The following FGF14 variants were observed in gnomAD, a reference collection of about 807,000 sequenced individuals.
FGF14 encodes fibroblast growth factor 14.
Under a neutral mutation model 25.5 loss-of-function variants are expected in FGF14, and 5 were observed. The observed-to-expected ratio is 0.20, with a 90% CI of 0.10 to 0.41. The LOEUF (loss-of-function observed/expected upper bound fraction) is 0.41. Ranked by LOEUF, FGF14 falls within the 10% of genes least tolerant of loss-of-function variation. The probability of loss-of-function intolerance (pLI) is 1.00; values close to 1 mark genes in which losing one functional copy is unlikely to be tolerated. For missense variants in FGF14, 222 were observed against 320.1 expected, an observed-to-expected ratio of 0.69 and a Z score of 2.34; for synonymous variants, 138 against 118.3, an observed-to-expected ratio of 1.17 and a Z score of -1.08.
intron 1 of FGF14, among the ~76,000 whole-genome samples, chr13:102,247,433 G>A (rs2141053424): frequency 6.6e-6 from 1 of 152,010 alleles, no homozygotes; most frequent in South Asian, 2.1e-4. Context: ...CAAAGAACAT[G>A]AACAGGCACT....
At chr13:101,844,312 A>G (rs2043338550) in intron 3 of FGF14, among the ~76,000 whole-genome samples, 1 of 152,048 alleles carries the variant, frequency 6.6e-6, no homozygotes, top group Non-Finnish European at 1.5e-5. Context: ...GTTTGAAAAC[A>G]TGTTTGTTGC....
At chr13:101,846,148 A>G (rs2043447277) in intron 3 of FGF14, among the ~76,000 whole-genome samples, 1 of 152,042 alleles carries the variant, frequency 6.6e-6, no homozygotes, top group Non-Finnish European at 1.5e-5. Flanking sequence ...GGCTTCAGAT[A>G]AAGAAATACT....
intron 1 of FGF14, among the ~76,000 whole-genome samples, chr13:101,895,553 C>T (rs1042335974): frequency 6.6e-5 from 10 of 152,070 alleles, no homozygotes; most frequent in African/African-American, 2.2e-4. Context: ...ATCTTAAGAC[C>T]TTTAAAAACC....
intron 1 of FGF14, among the ~76,000 whole-genome samples, chr13:102,196,885 G>A (rs2049379477): frequency 6.6e-6 from 1 of 151,758 alleles, no homozygotes; most frequent in Non-Finnish European, 1.5e-5. Context: ...ATCACTGGTG[G>A]AGACTAGAAT....
intron 3 of FGF14, among the ~76,000 whole-genome samples, chr13:101,757,543 T>C (rs1317380683): frequency 6.6e-6 from 1 of 152,216 alleles, no homozygotes; most frequent in Non-Finnish European, 1.5e-5. Context: ...TCTCAGCCTC[T>C]CCTTCACCTT....
chr13:102,049,154 A>G (rs1287346368), intron 1 of FGF14, among the ~76,000 whole-genome samples: 65 of 152,196 alleles, frequency 4.3e-4, no homozygotes, highest in Non-Finnish European at 4.4e-5. Flanking sequence ...TATAAATATG[A>G]AAGGATATTA....
At chr13:102,132,901 C>T (rs998865477) in intron 1 of FGF14, among the ~76,000 whole-genome samples, 1 of 152,090 alleles carries the variant, frequency 6.6e-6, no homozygotes, top group South Asian at 2.1e-4. Context: ...AAACAGTGAG[C>T]GGAGTTGTTA....
chr13:102,047,188 T>C (rs2042021299), intron 1 of FGF14, among the ~76,000 whole-genome samples: 1 of 152,114 alleles, frequency 6.6e-6, no homozygotes, highest in Non-Finnish European at 1.5e-5. Flanking sequence ...ATAATACATA[T>C]GGACAGCAGG....
chr13:101,945,002 A>T (rs1440396199), intron 1 of FGF14, among the ~76,000 whole-genome samples: 1 of 152,158 alleles, frequency 6.6e-6, no homozygotes, highest in Non-Finnish European at 1.5e-5. Flanking sequence ...TGTACTTAGC[A>T]TCATAAAACT....
chr13:102,357,878 G>A (rs1046304094), intron 1 of FGF14, among the ~76,000 whole-genome samples: 46 of 152,068 alleles, frequency 3.0e-4, no homozygotes, highest in African/African-American at 9.9e-4. Flanking sequence ...CTAGCTTACC[G>A]TCCTCTAGAG....
intron 1 of FGF14, among the ~76,000 whole-genome samples, chr13:102,360,727 A>G (rs2057540950): frequency 6.6e-6 from 1 of 152,198 alleles, no homozygotes; most frequent in Non-Finnish European, 1.5e-5. Flanking sequence ...TGTCCAGTCA[A>G]CCATTCACAC....
rs576720260 is a variant in FGF14 at position 102,168,354 on chromosome 13, T to A, written c.208+233117A>T. On this transcript the variant is annotated intron_variant, in intron 1 of 4. Coordinates refer to the FGF14 transcript ENST00000376131. ...CACCATCCCTGGCTAATTTTTGTAG[T>A]TTTTTGTAGAGATGGGGTTTCTCCA... Among the ~76,000 whole-genome samples, 5 of 151,194 alleles carry A rather than the reference T, an allele frequency of 3.3e-5. No homozygotes were observed. In the South Asian group the frequency reaches 1.0e-3, roughly 31 times the overall value.
rs2034639848 is a variant in FGF14, at chr13:101,714,817, A to G, written c.*8014T>C. ...AAGTAACCTCCCCACCCTCAAACTC[A>G]CATGTATGCAGTTGTATATTGAACA... On this transcript the variant is annotated 3_prime_UTR_variant, in exon 5 of 5. Coordinates refer to ENST00000376143, the MANE Select transcript of FGF14 (RefSeq NM_004115.4). 4.3e-6 allele frequency: 2 copies of G among 468,852 alleles called. No homozygotes were observed. The highest frequency in any genetic ancestry group is 3.6e-5 in the Admixed American group (1 of 27,984). The allele number at this position is 468,852 out of a possible 1,614,324, so 29.0% of individuals were successfully genotyped here.
At chr13:102,397,621 T>A (rs1296376812) in intron 1 of FGF14, among the ~76,000 whole-genome samples, 1 of 152,226 alleles carries the variant, frequency 6.6e-6, no homozygotes, top group African/African-American at 2.4e-5. Context: ...AGTGGGTATA[T>A]CTATTTGAGG....
At chr13:102,035,380 A>C (rs1323306955) in intron 1 of FGF14, among the ~76,000 whole-genome samples, 1 of 152,138 alleles carries the variant, frequency 6.6e-6, no homozygotes, top group Non-Finnish European at 1.5e-5. Context: ...TGAAGTTTCT[A>C]GGAAGGGCCT....
chr13:101,897,543 T>C (rs989333276), intron 1 of FGF14, among the ~76,000 whole-genome samples: 3 of 152,180 alleles, frequency 2.0e-5, no homozygotes, highest in East Asian at 1.9e-4. Flanking sequence ...GTAAGAGATA[T>C]GCTGTTTCCA....
chr13:102,257,342 CT>C (rs71125058), intron 1 of FGF14, among the ~76,000 whole-genome samples: 19 of 32,572 alleles, frequency 5.8e-4, no homozygotes, highest in South Asian at 1.4e-3. Context: ...CCTTTCTTTT[CT>C]TTTTTTTTTT....
intron 1 of FGF14, among the ~76,000 whole-genome samples, chr13:102,011,937 G>A (rs1272670701): frequency 6.6e-6 from 1 of 152,142 alleles, no homozygotes; most frequent in Admixed American, 6.5e-5. Context: ...ATCACTCATG[G>A]CTTTGTTCAT....
At chr13:101,802,417 A>T (rs2040927731) in intron 3 of FGF14, 2 of 214,586 alleles carry the variant, frequency 9.3e-6, no homozygotes, top group Non-Finnish European at 1.9e-5. Context: ...GAAAACATGG[A>T]GGACAAAGAG....
Sources: allele counts gnomAD v4.1 joint callset (sites outside exome capture counted in the v4.1 genomes callset), GRCh38; gene constraint gnomAD v4.1.1; transcripts MANE v1.5; gene names NCBI Gene and HGNC (gene_info 2026-07-23, HGNC 2026-07-21).